Variants in MYO3B observed in about 807,000 individuals in gnomAD.
MYO3B encodes myosin IIIB, also known as myosin-IIIb.
A neutral mutation model predicts 174.6 loss-of-function variants in MYO3B; 156 were observed. The observed-to-expected ratio is 0.89, with a 90% CI of 0.78 to 1.02. The LOEUF (loss-of-function observed/expected upper bound fraction) is 1.02. Ranked by LOEUF, MYO3B falls within the 50% of genes least tolerant of loss-of-function variation. MYO3B has a pLI of 0.00. For missense variants in MYO3B, 1,632 were observed against 1,639.4 expected, an observed-to-expected ratio of 1.00 and a Z score of 0.08; for synonymous variants, 563 against 569.1, an observed-to-expected ratio of 0.99 and a Z score of 0.15.
At chr2:170,324,914 C>T (rs756265875) in intron 7 of MYO3B, among the ~76,000 whole-genome samples, 1 of 152,116 alleles carries the variant, frequency 6.6e-6, no homozygotes, top group African/African-American at 2.4e-5. Flanking sequence ...GGTGGCTTCT[C>T]AATGAATTTC....
chr2:170,197,177 C>T (rs959461053), intron 1 of MYO3B, among the ~76,000 whole-genome samples: 26 of 152,086 alleles, frequency 1.7e-4, no homozygotes, highest in Non-Finnish European at 2.5e-4. Context: ...CCCAGTGCCT[C>T]GCCACTCCCA....
At chr2:170,198,112 G>GTTTTTTTTTTTTTTT (rs10571296) in intron 1 of MYO3B, among the ~76,000 whole-genome samples, 1 of 143,294 alleles carries the variant, frequency 7.0e-6, no homozygotes, top group Non-Finnish European at 1.5e-5. Flanking sequence ...TCTCCTTTGG[G>GTTTTTTTTTTTTTTT]TTTTTTTTTT....
chr2:170,578,163 G>T (rs1175523519), intron 32 of MYO3B, among the ~76,000 whole-genome samples: 1 of 152,218 alleles, frequency 6.6e-6, no homozygotes, highest in Admixed American at 6.5e-5. Flanking sequence ...AGGGGCATAT[G>T]CTCTCCCCAC....
At chr2:170,589,202 G>A (rs182880388) in intron 32 of MYO3B, among the ~76,000 whole-genome samples, 1 of 152,294 alleles carries the variant, frequency 6.6e-6, no homozygotes, top group Admixed American at 6.5e-5. Context: ...TTGATATCAT[G>A]GACCCCAACA....
Position 170,463,442 on chromosome 2 carries a change from C to A in MYO3B, c.2805C>A (p.Phe935Leu), listed in dbSNP as rs1478997229. Residue 935 changes from phenylalanine (F) to leucine (L), a missense_variant, in exon 24 of 35, where the codon TTC becomes TTA. Phe to Leu is a conservative substitution (Grantham distance 22). Coordinates refer to ENST00000408978, the MANE Select transcript of MYO3B (RefSeq NM_138995.5). ...AGAGGCAAACTGTGGCTTCTTACTTCCGGGTATGGAGTCTTCTTGATCTCT... is the reference window on the plus strand; with the variant it reads ...AGAGGCAAACTGTGGCTTCTTACTTACGGGTATGGAGTCTTCTTGATCTCT... ...NMKRQTVASY[F>L]RYSLMDLLSK... The A allele has an allele frequency of 7.4e-6, 12 of 1,613,868 alleles. No individual in the cohort carries two copies. The highest frequency in any genetic ancestry group is 2.2e-5 in the East Asian group (1 of 44,868).
intron 32 of MYO3B, among the ~76,000 whole-genome samples, chr2:170,580,801 T>C (rs1575195314): frequency 6.6e-6 from 1 of 151,718 alleles, no homozygotes; most frequent in African/African-American, 2.4e-5. Flanking sequence ...TTTGTATAAA[T>C]GCAGAATATA....
rs151064459 is a variant in MYO3B, at chr2:170,179,537, G to A, written c.2+1248G>A. Among the ~76,000 whole-genome samples, 192 of 152,240 alleles carry A rather than the reference G, an allele frequency of 1.3e-3. 2 individuals carry two copies. The East Asian group carries it at 0.02, about 16-fold the overall frequency. ...GATTAATGCTGTTATTGTGGGAGAC[G>A]GCTCCTAGTAAAAGGATAGGTTCAG... On this transcript the variant is annotated intron_variant, in intron 1 of 34. Transcript: ENST00000408978.
At chr2:170,442,912 T>A (rs1325625518) in intron 22 of MYO3B, among the ~76,000 whole-genome samples, 2 of 152,232 alleles carry the variant, frequency 1.3e-5, no homozygotes, top group African/African-American at 2.4e-5. Context: ...TTGATGGATG[T>A]TTGGGTTGGT....
At chr2:170,186,261 C>T (rs372525522) in intron 1 of MYO3B, among the ~76,000 whole-genome samples, 1 of 152,068 alleles carries the variant, frequency 6.6e-6, no homozygotes, top group South Asian at 2.1e-4. Context: ...GTGGGTCTGT[C>T]ATATGCAACT....
chr2:170,398,954 G>A (rs2094457041), intron 16 of MYO3B, among the ~76,000 whole-genome samples: 1 of 152,082 alleles, frequency 6.6e-6, no homozygotes, highest in Admixed American at 6.5e-5. Context: ...TTGTTTAAAA[G>A]TCAGTTGTTG....
intron 1 of MYO3B, among the ~76,000 whole-genome samples, chr2:170,198,130 T>C (rs1407192858): frequency 7.8e-4 from 101 of 129,304 alleles, no homozygotes; most frequent in African/African-American, 1.5e-3. Context: ...TTTTTTTTTT[T>C]CCCTTCTTCA....
At chr2:170,586,682 A>G (rs1693517166) in intron 32 of MYO3B, among the ~76,000 whole-genome samples, 2 of 152,224 alleles carry the variant, frequency 1.3e-5, no homozygotes, top group Admixed American at 6.5e-5. Context: ...TGCCCCTGGA[A>G]TAAAGGTCAC....
At chr2:170,523,546 C>T (rs908269433) in intron 30 of MYO3B, among the ~76,000 whole-genome samples, 12 of 152,132 alleles carry the variant, frequency 7.9e-5, no homozygotes, top group Admixed American at 6.6e-4. Context: ...AAGTAACAAA[C>T]ATTCAACCCA....
chr2:170,377,680 C>T (rs1468463087), intron 9 of MYO3B, among the ~76,000 whole-genome samples: 6 of 152,176 alleles, frequency 3.9e-5, no homozygotes, highest in Non-Finnish European at 1.5e-5. Context: ...CTCGCAAACT[C>T]TGTTTGTCTG....
At position 170,348,223 on chromosome 2, in the gene MYO3B, T is replaced by C. The variant is rs532451175; in HGVS notation, c.815+12773T>C. On this transcript the variant is annotated intron_variant, in intron 8 of 34. Coordinates refer to ENST00000408978, the MANE Select transcript of MYO3B (RefSeq NM_138995.5). ...CGTTCCTCTTTATGGCTACATAATATTGTGGTGTTGTTGTTGTTGTTGTTG... is the reference window on the plus strand; with the variant it reads ...CGTTCCTCTTTATGGCTACATAATACTGTGGTGTTGTTGTTGTTGTTGTTG... The C allele has an allele frequency of 2.6e-5, 4 of 152,092 alleles. No individual in the cohort carries two copies. The East Asian group carries it at 7.8e-4, about 29-fold the overall frequency. The allele number at this position is 152,092 out of a possible 1,614,324, so 9.4% of individuals were successfully genotyped here. A position where few individuals can be genotyped will look rare whatever the true frequency, so the allele number is the denominator to read the frequency against.
intron 22 of MYO3B, among the ~76,000 whole-genome samples, chr2:170,417,289 G>C (rs1221016282): frequency 6.6e-6 from 1 of 152,070 alleles, no homozygotes; most frequent in African/African-American, 2.4e-5. Flanking sequence ...CTCTATCCCT[G>C]CCCCCACTCC....
intron 32 of MYO3B, among the ~76,000 whole-genome samples, chr2:170,645,534 T>C (rs187079762): frequency 6.7e-6 from 1 of 149,560 alleles, no homozygotes; most frequent in Admixed American, 6.6e-5. Flanking sequence ...CTACATAAAC[T>C]AATCAAACGA....
intron 23 of MYO3B, among the ~76,000 whole-genome samples, chr2:170,448,442 A>G (rs913913623): frequency 6.6e-6 from 1 of 152,218 alleles, no homozygotes; most frequent in Non-Finnish European, 1.5e-5. Flanking sequence ...CCACTCTAAC[A>G]TCTTCCTGCT....
At chr2:170,586,116 G>A (rs1366041078) in intron 32 of MYO3B, among the ~76,000 whole-genome samples, 4 of 152,200 alleles carry the variant, frequency 2.6e-5, no homozygotes, top group East Asian at 1.9e-4. Flanking sequence ...CACCTTTGGC[G>A]GAGTGAATTT....
Sources: gnomAD v4.1 joint callset for allele counts (sites outside exome capture counted in the v4.1 genomes callset) on GRCh38, gnomAD v4.1.1 for gene constraint, MANE v1.5 for transcripts, NCBI Gene and HGNC (gene_info 2026-07-23, HGNC 2026-07-21) for gene names.